Variants in R3HCC1L observed in about 807,000 individuals in gnomAD.
R3HCC1L encodes the protein R3H domain and coiled-coil containing 1 like, also known as coiled-coil domain-containing protein R3HCC1L.
R3HCC1L carries 51 observed loss-of-function variants against 59.9 expected under a neutral mutation model. The observed-to-expected ratio is 0.85, with a 90% CI of 0.68 to 1.07. The LOEUF is 1.07. Among genes scored for constraint, R3HCC1L ranks in the 50% least tolerant of loss-of-function variants. R3HCC1L has a pLI of 0.00. For missense variants in R3HCC1L, 965 were observed against 933.0 expected (o/e 1.03, Z -0.45); for synonymous variants, 322 against 315.2 (o/e 1.02, Z -0.23).
rs1388618765 is a variant in R3HCC1L, at chr10:98,236,109, T to G, written c.2214T>G (p.Ser738Arg). 1 of 1,613,756 alleles carries G rather than the reference T, an allele frequency of 6.2e-7. No individual in the cohort carries two copies. The highest frequency in any genetic ancestry group is 1.3e-5 in the African/African-American group (1 of 74,852). Residue 738 changes from serine (S) to arginine (R), a missense_variant, in exon 9 of 10, where the codon AGT (serine) becomes AGG (arginine). Transcript: ENST00000298999. The stretch of plus-strand genomic sequence containing the variant: ...TCATCAGTGCCCTTGGGGTTCGAAG[T>G]AAGCAGAGCAAAACCGAACGAGAAG... ...RLVISALGVR[S>R]KQSKTEREAE...
At chr10:98,188,228 A>C (rs530040115) in intron 4 of R3HCC1L, among the ~76,000 whole-genome samples, 180 of 152,292 alleles carry the variant, frequency 1.2e-3, no homozygotes, top group Non-Finnish European at 1.1e-3. Context: ...CTGGGTATTG[A>C]GAAACTAAAA....
intron 1 of R3HCC1L, among the ~76,000 whole-genome samples, chr10:98,137,062 T>A (rs1377671054): frequency 1.3e-5 from 2 of 152,048 alleles, no homozygotes; most frequent in African/African-American, 4.8e-5. Context: ...ACAAAAAAAA[T>A]TAGCTGGGCG....
At chr10:98,161,105 C>T (rs1253676457) in intron 2 of R3HCC1L, among the ~76,000 whole-genome samples, 1 of 152,034 alleles carries the variant, frequency 6.6e-6, no homozygotes, top group Non-Finnish European at 1.5e-5. Flanking sequence ...TTGCTAAATC[C>T]CTTTCTGCAG....
chr10:98,231,804 C>A, intron 6 of R3HCC1L, 117 bp downstream of exon 6: 1 of 1,126,534 alleles, frequency 8.9e-7, no homozygotes, highest in Non-Finnish European at 1.2e-6. Flanking sequence ...TAGCATCAGG[C>A]TGGTTTATTG....
chr10:98,208,110 G>C lies in R3HCC1L; in HGVS notation c.-5G>C. The C allele has an allele frequency of 1.2e-6, 2 of 1,600,450 alleles. No homozygotes were observed. The highest frequency in any genetic ancestry group is 1.7e-6 in the Non-Finnish European group (2 of 1,174,230). ...CATTCTTCTCTTGCAGATTGTGGTG[G>C]TGCCATGCAGCAAGAATCAGAGAGA... is the stretch of plus-strand genomic sequence containing the variant. On this transcript the variant is annotated 5_prime_UTR_variant, in exon 5 of 10. Transcript: ENST00000298999.
In R3HCC1L at chr10:98,209,422, T is replaced by C. The variant is rs781041071; in HGVS notation, c.1308T>C (p.Asp436=). ...CTAGAAGTGGGAATGACACTGAAGA[T>C]TTCAGCAACCCTTCTGCTTGCTCAG... ...HVARSGNDTE[D]FSNPSACSDI... Residue 436 remains aspartate (D), a synonymous_variant, in exon 5 of 10, where the codon GAT becomes GAC. Coordinates refer to ENST00000298999, the MANE Select transcript of R3HCC1L (RefSeq NM_001351015.2). The C allele has an allele frequency of 8.7e-6, 14 of 1,613,588 alleles. No individual in the cohort carries two copies. In the South Asian group the frequency reaches 1.5e-4, roughly 18 times the overall value.
intron 4 of R3HCC1L, among the ~76,000 whole-genome samples, chr10:98,191,529 G>C (rs1449147429): frequency 6.6e-6 from 1 of 152,156 alleles, no homozygotes; most frequent in Non-Finnish European, 1.5e-5. Context: ...ATTTGTTTAA[G>C]TTCTTTGTAG....
At chr10:98,142,941 A>C (rs10786393) in intron 1 of R3HCC1L, among the ~76,000 whole-genome samples, 65,814 of 150,962 alleles carry the variant, frequency 0.44, 14,359 homozygotes, top group South Asian at 0.57. Context: ...TCTCCAAAAA[A>C]AAACAAACAA....
In R3HCC1L at chr10:98,236,180, G is replaced by GGT. The variant is rs955444528; in HGVS notation, c.2269+19_2269+20dup. 2.5e-5 allele frequency: 40 copies of GGT among 1,612,784 alleles called. No individual in the cohort carries two copies. The highest frequency in any genetic ancestry group is 3.3e-5 in the Non-Finnish European group (39 of 1,179,478). On this transcript the variant is annotated intron_variant, in intron 9 of 9. Coordinates refer to ENST00000298999, the MANE Select transcript of R3HCC1L (RefSeq NM_001351015.2). ...GAAGCCAGAGGTGAGCTGAAAGGGT[G>GGT]GTGTTCTTCTCTAGGCCCTTCAGAA...
At chr10:98,182,338 C>T (rs980233581) in intron 4 of R3HCC1L, among the ~76,000 whole-genome samples, 1 of 152,176 alleles carries the variant, frequency 6.6e-6, no homozygotes, top group Non-Finnish European at 1.5e-5. Flanking sequence ...CTGGGTATCA[C>T]CATCGGAGGC....
intron 1 of R3HCC1L, among the ~76,000 whole-genome samples, chr10:98,152,822 C>T (rs1305374738): frequency 7.4e-5 from 11 of 148,230 alleles, no homozygotes; most frequent in Admixed American, 3.3e-4. Context: ...AGTGAGGAGC[C>T]CCTCCACCCG....
At chr10:98,184,836 C>G (rs1294071666) in intron 4 of R3HCC1L, among the ~76,000 whole-genome samples, 1 of 152,138 alleles carries the variant, frequency 6.6e-6, no homozygotes, top group African/African-American at 2.4e-5. Flanking sequence ...CCACATTTGG[C>G]TTGTAGTAAT....
chr10:98,170,094 G>C (rs1280223237), intron 4 of R3HCC1L, among the ~76,000 whole-genome samples: 2 of 152,146 alleles, frequency 1.3e-5, no homozygotes, highest in South Asian at 2.1e-4. Context: ...TGTGCATTAT[G>C]TGATTATTTC....
At chr10:98,141,289 A>T (rs1230894612) in intron 1 of R3HCC1L, among the ~76,000 whole-genome samples, 4 of 152,310 alleles carry the variant, frequency 2.6e-5, no homozygotes, top group Non-Finnish European at 4.4e-5. Flanking sequence ...TATCATAGGT[A>T]TTCAGGGTAT....
At chr10:98,243,982 AG>A in intron 9 of R3HCC1L, 108 bp from the exon 10 acceptor site, 1 of 863,342 alleles carries the variant, frequency 1.2e-6, no homozygotes, top group Non-Finnish European at 1.9e-6. Flanking sequence ...AAGAGAGACC[AG>A]GATATCCACT....
rs149934081 is a variant in R3HCC1L, at chr10:98,209,428, C to T, written c.1314C>T (p.Ser438=). 4 of 1,613,456 alleles carry T rather than the reference C, an allele frequency of 2.5e-6. No individual in the cohort carries two copies. The highest frequency in any genetic ancestry group is 1.1e-5 in the South Asian group (1 of 91,074). The part of the protein sequence containing the change: ...ARSGNDTEDF[S]NPSACSDIYG... ...GTGGGAATGACACTGAAGATTTCAGCAACCCTTCTGCTTGCTCAGATATTT... is the reference window on the plus strand; with the variant it reads ...GTGGGAATGACACTGAAGATTTCAGTAACCCTTCTGCTTGCTCAGATATTT... Residue 438 remains serine, a synonymous_variant, in exon 5 of 10, where the codon AGC becomes AGT. Transcript: ENST00000298999.
intron 4 of R3HCC1L, among the ~76,000 whole-genome samples, chr10:98,201,654 A>C (rs1249071935): frequency 2.0e-5 from 3 of 152,168 alleles, no homozygotes; most frequent in Non-Finnish European, 4.4e-5. Flanking sequence ...TTTGAACACC[A>C]AACTTAATTC....
Position 98,201,885 on chromosome 10 carries a change from T to A in R3HCC1L, c.-14-6216T>A, listed in dbSNP as rs906753857. Among the ~76,000 whole-genome samples, 21 of 145,632 alleles carry A rather than the reference T, an allele frequency of 1.4e-4. 1 individual carries two copies. The highest frequency in any genetic ancestry group is 6.9e-4 in the Admixed American group (10 of 14,436). ...CCAATGACTATGAAAGATGAGATTT[T>A]TTTTTTTTTTTTTTTTAAAGAGACG... On this transcript the variant is annotated intron_variant, in intron 4 of 9. Coordinates refer to ENST00000298999, the MANE Select transcript of R3HCC1L (RefSeq NM_001351015.2).
chr10:98,145,941 T>G (rs1735389303), intron 1 of R3HCC1L, among the ~76,000 whole-genome samples: 1 of 149,000 alleles, frequency 6.7e-6, no homozygotes, highest in Non-Finnish European at 1.5e-5. Flanking sequence ...AGAGCGAGAC[T>G]CCATCTCAAA....
Sources: gnomAD v4.1 joint callset for allele counts (sites outside exome capture counted in the v4.1 genomes callset) on GRCh38, gnomAD v4.1.1 for gene constraint, MANE v1.5 for transcripts, NCBI Gene and HGNC (gene_info 2026-07-23, HGNC 2026-07-21) for gene names.